The following TSHZ3 variants were observed in gnomAD, a reference collection of about 807,000 sequenced individuals.
TSHZ3 encodes the protein teashirt zinc finger homeobox 3, also known as teashirt homolog 3.
A neutral mutation model predicts 64.5 loss-of-function variants in TSHZ3; 10 were observed. The ratio of observed to expected loss-of-function variants is 0.16; its 90% CI spans 0.10 to 0.26. TSHZ3 has a LOEUF of 0.26. Among genes scored for constraint, TSHZ3 ranks in the 10% least tolerant of loss-of-function variants. The probability of loss-of-function intolerance (pLI) is 1.00; values close to 1 mark genes in which losing one functional copy is unlikely to be tolerated. For synonymous variants in TSHZ3, 608 were observed against 593.1 expected (o/e 1.03, Z -0.36); for missense variants, 1,242 against 1,421.7 (o/e 0.87, Z 2.03).
At chr19:31,302,951 A>T (rs1002588977) in intron 1 of TSHZ3, among the ~76,000 whole-genome samples, 53 of 152,308 alleles carry the variant, frequency 3.5e-4, no homozygotes, top group African/African-American at 1.3e-3. Context: ...TTTAGTTTTA[A>T]TCTAGATTAC....
chr19:31,284,873 A>T (rs1460707322), intron 1 of TSHZ3, among the ~76,000 whole-genome samples: 1 of 152,224 alleles, frequency 6.6e-6, no homozygotes, highest in Non-Finnish European at 1.5e-5. Context: ...GGACGAATGA[A>T]TGAATGAATG....
Position 31,225,594 on chromosome 19 carries a change from C to T in TSHZ3, n.686+2411G>A, listed in dbSNP as rs541289452. ...CTCTTTCTTGCATGACAGAATCTAT[C>T]GGCCCATCTGCACCTCCCCATCCTC... On this transcript the variant is annotated intron_variant and non_coding_transcript_variant, in intron 4 of 6. Transcript: ENST00000651361. Among the ~76,000 whole-genome samples, 8 of 152,286 alleles carry T rather than the reference C, an allele frequency of 5.3e-5. No individual in the cohort carries two copies. The South Asian group carries it at 8.3e-4, about 16-fold the overall frequency.
At chr19:31,198,751 A>G (rs560676007) in intron 5 of TSHZ3, among the ~76,000 whole-genome samples, 1 of 152,194 alleles carries the variant, frequency 6.6e-6, no homozygotes, top group South Asian at 2.1e-4. Flanking sequence ...ATATGAAGAA[A>G]ACTATAAAAC....
At chr19:31,166,493 G>A (rs1431285267) in intron 5 of TSHZ3, among the ~76,000 whole-genome samples, 1 of 152,132 alleles carries the variant, frequency 6.6e-6, no homozygotes, top group Admixed American at 6.5e-5. Context: ...CTGGCTCCCA[G>A]GAAGGCTGCA....
chr19:31,331,863 GC>G (rs1917106018), intron 1 of TSHZ3, among the ~76,000 whole-genome samples: 1 of 152,158 alleles, frequency 6.6e-6, no homozygotes, highest in Non-Finnish European at 1.5e-5. Context: ...GAGCGGCTGG[GC>G]CCCAGCCAAG....
At chr19:31,281,051 T>C (rs544765552) in intron 1 of TSHZ3, among the ~76,000 whole-genome samples, 4 of 152,296 alleles carry the variant, frequency 2.6e-5, no homozygotes, top group African/African-American at 9.6e-5. Context: ...TCTAAATACT[T>C]GTTTGCTTCA....
chr19:31,289,784 G>T (rs901023826), intron 1 of TSHZ3, among the ~76,000 whole-genome samples: 1 of 152,166 alleles, frequency 6.6e-6, no homozygotes, highest in African/African-American at 2.4e-5. Context: ...TCCAGGCTGA[G>T]CCCAGACCCC....
chr19:31,155,421 A>T (rs1298279063), intron 6 of TSHZ3, among the ~76,000 whole-genome samples: 1 of 152,210 alleles, frequency 6.6e-6, no homozygotes, highest in Non-Finnish European at 1.5e-5. Flanking sequence ...CTTTCCAAAC[A>T]CAGCTTCGTT....
chr19:31,166,224 G>A (rs542748922), intron 5 of TSHZ3, among the ~76,000 whole-genome samples: 31 of 152,290 alleles, frequency 2.0e-4, no homozygotes, highest in Admixed American at 6.5e-4. Context: ...CCTGACCCTC[G>A]TGAAGGATTA....
intron 1 of TSHZ3, among the ~76,000 whole-genome samples, chr19:31,298,643 G>T (rs1976701642): frequency 1.3e-5 from 2 of 152,132 alleles, no homozygotes; most frequent in African/African-American, 4.8e-5. Flanking sequence ...GGTACCTTCT[G>T]CACATGATCG....
intron 1 of TSHZ3, among the ~76,000 whole-genome samples, chr19:31,336,259 A>C (rs1917238674): frequency 6.6e-6 from 1 of 152,234 alleles, no homozygotes; most frequent in African/African-American, 2.4e-5. Flanking sequence ...AGAAAAAGCA[A>C]GAACGAACTT....
chr19:31,236,465 T>C (rs1211500685), intron 3 of TSHZ3, among the ~76,000 whole-genome samples: 1 of 152,206 alleles, frequency 6.6e-6, no homozygotes, highest in Non-Finnish European at 1.5e-5. Context: ...TTTAGGTCCT[T>C]AGTTCATTTT....
In TSHZ3 at chr19:31,193,985, C is replaced by A. The variant is rs186320006; in HGVS notation, n.809+10971G>T. 3.9e-5 allele frequency among the ~76,000 whole-genome samples: 6 copies of A among 152,280 alleles called. No homozygotes were observed. The East Asian group carries it at 1.2e-3, about 29-fold the overall frequency. Reference sequence around the variant, plus strand: ...TGAACAAACTGGAAAATAAACAGCTCTTCTTAGATCCCAAAGGGAAGTGAG... The same window carrying A: ...TGAACAAACTGGAAAATAAACAGCTATTCTTAGATCCCAAAGGGAAGTGAG... On this transcript the variant is annotated intron_variant and non_coding_transcript_variant, in intron 5 of 6. Transcript: ENST00000651361.
At chr19:31,162,221 A>G (rs973543236) in intron 5 of TSHZ3, among the ~76,000 whole-genome samples, 2 of 152,170 alleles carry the variant, frequency 1.3e-5, no homozygotes, top group Non-Finnish European at 2.9e-5. Context: ...CCTGGCCCAC[A>G]GTAGGTACTC....
intron 1 of TSHZ3, among the ~76,000 whole-genome samples, chr19:31,330,844 G>C (rs1917068658): frequency 6.6e-6 from 1 of 152,090 alleles, no homozygotes; most frequent in Non-Finnish European, 1.5e-5. Context: ...GCTCTACCGA[G>C]AGAAGGTGGG....
At chr19:31,325,553 C>T (rs1275780767) in intron 1 of TSHZ3, among the ~76,000 whole-genome samples, 2 of 152,132 alleles carry the variant, frequency 1.3e-5, no homozygotes, top group Non-Finnish European at 2.9e-5. Context: ...AGAGACATCA[C>T]GCGCGCACTC....
intron 5 of TSHZ3, among the ~76,000 whole-genome samples, chr19:31,200,722 G>T (rs992398078): frequency 1.3e-5 from 2 of 152,106 alleles, no homozygotes; most frequent in Admixed American, 6.5e-5. Flanking sequence ...GTAAAATATG[G>T]ACTCTGGGTG....
intron 1 of TSHZ3, among the ~76,000 whole-genome samples, chr19:31,332,151 C>T (rs1053009726): frequency 4.6e-5 from 7 of 152,190 alleles, no homozygotes; most frequent in Admixed American, 4.6e-4. Flanking sequence ...CTTCCTTCAG[C>T]TGTCAATGAG....
chr19:31,337,575 T>C (rs539527845), intron 1 of TSHZ3, among the ~76,000 whole-genome samples: 53 of 152,338 alleles, frequency 3.5e-4, no homozygotes, highest in Non-Finnish European at 6.2e-4. Flanking sequence ...TTTGTACCAC[T>C]GGCTACAATT....
Sources: allele counts gnomAD v4.1 joint callset (sites outside exome capture counted in the v4.1 genomes callset), GRCh38; gene constraint gnomAD v4.1.1; transcripts MANE v1.5; gene names NCBI Gene and HGNC (gene_info 2026-07-23, HGNC 2026-07-21).